TMEM117: variants seen among roughly 807,000 people sequenced by gnomAD.
TMEM117 encodes the protein transmembrane protein 117.
Under a neutral mutation model 52.4 loss-of-function variants are expected in TMEM117, and 27 were observed. That is an observed-to-expected ratio of 0.51 (90% CI 0.38 to 0.71). The LOEUF is 0.71. TMEM117 is among the 30% of genes least tolerant of loss of function. The pLI is 0.00. For missense variants in TMEM117, 556 were observed against 630.5 expected, an observed-to-expected ratio of 0.88 and a Z score of 1.26; for synonymous variants, 215 against 206.3, an observed-to-expected ratio of 1.04 and a Z score of -0.36.
intron 3 of TMEM117, among the ~76,000 whole-genome samples, chr12:44,040,529 TA>T (rs1236160165): frequency 6.6e-6 from 1 of 152,200 alleles, no homozygotes; most frequent in African/African-American, 2.4e-5. Flanking sequence ...ATAATTTGAA[TA>T]ATTTATATGT....
intron 3 of TMEM117, among the ~76,000 whole-genome samples, chr12:43,995,135 G>T (rs1325043865): frequency 1.3e-5 from 2 of 152,014 alleles, no homozygotes; most frequent in African/African-American, 4.8e-5. Flanking sequence ...GTCGGGTGTG[G>T]TGGTGCATGC....
chr12:44,002,222 GT>G (rs1255521523), intron 3 of TMEM117, among the ~76,000 whole-genome samples: 2 of 152,114 alleles, frequency 1.3e-5, no homozygotes, highest in East Asian at 3.9e-4. Flanking sequence ...CCAAAATAAG[GT>G]TTTTACACTC....
chr12:43,872,317 C>T (rs1943720166), intron 2 of TMEM117, among the ~76,000 whole-genome samples: 1 of 151,976 alleles, frequency 6.6e-6, no homozygotes, highest in African/African-American at 2.4e-5. Context: ...AATATTGGCA[C>T]AGACCATCAT....
intron 3 of TMEM117, among the ~76,000 whole-genome samples, chr12:43,988,979 C>T (rs1193560759): frequency 6.6e-6 from 1 of 152,006 alleles, no homozygotes; most frequent in Non-Finnish European, 1.5e-5. Context: ...TAGGTAGTGA[C>T]TAAGTGGGGC....
At chr12:43,821,790 T>G in the TMEM117 span, among the ~76,000 whole-genome samples, 1 of 152,246 alleles carries the variant, frequency 6.6e-6, no homozygotes, top group South Asian at 2.1e-4. Context: ...TGTGACTATC[T>G]GCAAGGATAC....
At chr12:43,957,119 CAG>C (rs1202167969) in intron 3 of TMEM117, among the ~76,000 whole-genome samples, 1 of 151,994 alleles carries the variant, frequency 6.6e-6, no homozygotes, top group East Asian at 1.9e-4. Context: ...CACATGGACA[CAG>C]GGAGGGGAAC....
chr12:44,103,694 C>A (rs1385805354), intron 3 of TMEM117, among the ~76,000 whole-genome samples: 1 of 151,992 alleles, frequency 6.6e-6, no homozygotes, highest in South Asian at 2.1e-4. Flanking sequence ...CCAGCACTTG[C>A]TACTGGAATC....
chr12:43,941,416 C>T (rs909716199), intron 2 of TMEM117, among the ~76,000 whole-genome samples: 1 of 152,168 alleles, frequency 6.6e-6, no homozygotes, highest in African/African-American at 2.4e-5. Context: ...ATAATTATGC[C>T]AGGACAACAA....
At chr12:44,026,496 T>A (rs1946535158) in intron 3 of TMEM117, among the ~76,000 whole-genome samples, 1 of 152,198 alleles carries the variant, frequency 6.6e-6, no homozygotes, top group South Asian at 2.1e-4. Context: ...TCATCAGTGG[T>A]TCCCATTAAA....
In TMEM117 at chr12:44,188,954, A is replaced by G. The variant is rs141473232; in HGVS notation, c.511-22336A>G. ...TTTTATTGGTACATAATAGATGTAC[A>G]TATTTTCAGGGTACACATGATAATT... On this transcript the variant is annotated intron_variant, in intron 4 of 7. Coordinates refer to ENST00000266534, the MANE Select transcript of TMEM117 (RefSeq NM_032256.3). Among the ~76,000 whole-genome samples, 517 of 152,300 alleles carry G rather than the reference A, an allele frequency of 3.4e-3. 10 individuals carry two copies. Among genetic ancestry groups the G allele is most frequent in the Admixed American group, 0.03 (466 of 15,282 alleles).
intron 3 of TMEM117, among the ~76,000 whole-genome samples, chr12:44,125,525 A>T (rs1387445542): frequency 6.6e-6 from 1 of 152,006 alleles, no homozygotes; most frequent in Non-Finnish European, 1.5e-5. Flanking sequence ...GTATTCTCTG[A>T]TGGTTGTTTT....
At chr12:43,798,525 T>G in the TMEM117 span, 1 of 1,487,248 alleles carries the variant, frequency 6.7e-7, no homozygotes. Flanking sequence ...TAAATGATAT[T>G]GGTTAATGAA....
intron 2 of TMEM117, among the ~76,000 whole-genome samples, chr12:43,924,733 T>C (rs1167378674): frequency 1.3e-5 from 2 of 152,230 alleles, no homozygotes; most frequent in Admixed American, 6.5e-5. Flanking sequence ...GTGGCTCTTA[T>C]TCATTTTCAG....
chr12:44,192,775 G>C (rs933240142), intron 4 of TMEM117, among the ~76,000 whole-genome samples: 4 of 152,322 alleles, frequency 2.6e-5, no homozygotes, highest in Admixed American at 2.0e-4. Context: ...TCCTGGCTCT[G>C]CTGTACTGTG....
In TMEM117 at chr12:44,116,116, T is replaced by C. The variant is rs531362420; in HGVS notation, c.411-27409T>C. ...TCAATAATCATCTACATGTTAAATT[T>C]AACAGATATATTTCAATTCTTAATT... is the stretch of plus-strand genomic sequence containing the variant. On this transcript the variant is annotated intron_variant, in intron 3 of 7. Transcript: ENST00000266534. Among the ~76,000 whole-genome samples, 4 of 152,382 alleles carry C rather than the reference T, an allele frequency of 2.6e-5. No individual in the cohort carries two copies. In the South Asian group the frequency reaches 6.2e-4, roughly 24 times the overall value.
intron 5 of TMEM117, among the ~76,000 whole-genome samples, chr12:44,255,502 C>T (rs185058804): frequency 3.2e-4 from 48 of 152,148 alleles, no homozygotes; most frequent in African/African-American, 1.0e-3. Flanking sequence ...TGTCTAATAA[C>T]GAGTCCAAGT....
At chr12:44,095,929 C>T (rs371981199) in intron 3 of TMEM117, among the ~76,000 whole-genome samples, 1 of 152,220 alleles carries the variant, frequency 6.6e-6, no homozygotes, top group South Asian at 2.1e-4. Flanking sequence ...GTCAAATTGT[C>T]CCTGTTTGTA....
intron 5 of TMEM117, among the ~76,000 whole-genome samples, chr12:44,233,702 G>A (rs1467696584): frequency 6.6e-6 from 1 of 150,910 alleles, no homozygotes; most frequent in African/African-American, 2.4e-5. Flanking sequence ...TTATGAAAAG[G>A]CATCATAGTG....
chr12:43,799,968 A>G, the TMEM117 span, among the ~76,000 whole-genome samples: 1 of 152,124 alleles, frequency 6.6e-6, no homozygotes, highest in Non-Finnish European at 1.5e-5. Flanking sequence ...AGGTCTACCT[A>G]TCATCAAAAT....
Sources: gnomAD v4.1 joint callset for allele counts (sites outside exome capture counted in the v4.1 genomes callset) on GRCh38, gnomAD v4.1.1 for gene constraint, MANE v1.5 for transcripts, NCBI Gene and HGNC (gene_info 2026-07-23, HGNC 2026-07-21) for gene names.